The following DPH6 variants were observed in gnomAD, a reference collection of about 807,000 sequenced individuals.
DPH6 encodes diphthine--ammonia ligase.
A neutral mutation model predicts 38.2 loss-of-function variants in DPH6; 33 were observed. The ratio of observed to expected loss-of-function variants is 0.86; its 90% CI spans 0.65 to 1.15. The LOEUF (loss-of-function observed/expected upper bound fraction) is 1.15. Among genes scored for constraint, DPH6 ranks in the 50% most tolerant of loss-of-function variants. DPH6 has a pLI of 0.00. For synonymous variants in DPH6, 108 were observed against 103.0 expected, an observed-to-expected ratio of 1.05 and a Z score of -0.30; for missense variants, 325 against 320.0, an observed-to-expected ratio of 1.02 and a Z score of -0.12.
At chr15:35,248,006 T>C (rs2051647597) in intron 3 of DPH6, among the ~76,000 whole-genome samples, 1 of 152,154 alleles carries the variant, frequency 6.6e-6, no homozygotes, top group Non-Finnish European at 1.5e-5. Context: ...CAATGGTAAA[T>C]AGTGCAAAGG....
intron 5 of DPH6, among the ~76,000 whole-genome samples, chr15:35,438,041 A>C (rs1169772784): frequency 1.3e-5 from 2 of 152,226 alleles, no homozygotes; most frequent in Admixed American, 1.3e-4. Context: ...TGGCATGGTT[A>C]AAGTTGGATA....
At chr15:35,443,928 A>C (rs777806323) in intron 5 of DPH6, among the ~76,000 whole-genome samples, 11 of 152,238 alleles carry the variant, frequency 7.2e-5, no homozygotes, top group Admixed American at 3.3e-4. Context: ...AGACTCAAAC[A>C]AATTGGACAC....
intron 3 of DPH6, among the ~76,000 whole-genome samples, chr15:35,479,193 G>C (rs1487026316): frequency 6.6e-6 from 1 of 151,938 alleles, no homozygotes; most frequent in Non-Finnish European, 1.5e-5. Flanking sequence ...TTTTCAATAA[G>C]TAGACCTGTG....
chr15:35,409,928 TG>T (rs1478395223), intron 6 of DPH6, among the ~76,000 whole-genome samples: 6 of 151,730 alleles, frequency 4.0e-5, no homozygotes, highest in Admixed American at 2.0e-4. Flanking sequence ...ATTAACACTA[TG>T]AAAAAAATAA....
chr15:35,340,570 C>T (rs1216585413), intron 3 of DPH6, among the ~76,000 whole-genome samples: 2 of 152,082 alleles, frequency 1.3e-5, no homozygotes, highest in African/African-American at 2.4e-5. Flanking sequence ...CAAGGCAAAC[C>T]TGGTAGTGAC....
chr15:35,234,327 G>A (rs1175515878), intron 3 of DPH6, among the ~76,000 whole-genome samples: 1 of 152,172 alleles, frequency 6.6e-6, no homozygotes. Context: ...GGGTGATAAG[G>A]TGGTGGTGGT....
At chr15:35,365,850 A>T in intron 3 of DPH6, 1 of 985,286 alleles carries the variant, frequency 1.0e-6, no homozygotes, top group Non-Finnish European at 1.2e-6. Flanking sequence ...ACAGTGACCC[A>T]GCAGTACCTA....
At chr15:35,152,801 A>T in the DPH6 span, among the ~76,000 whole-genome samples, 3 of 152,182 alleles carry the variant, frequency 2.0e-5, no homozygotes, top group Admixed American at 6.5e-5. Context: ...GCCCAGCCAG[A>T]TTACATTGCA....
At chr15:35,224,328 G>C (rs992279889) in intron 3 of DPH6, among the ~76,000 whole-genome samples, 9 of 151,798 alleles carry the variant, frequency 5.9e-5, no homozygotes, top group African/African-American at 2.2e-4. Context: ...GCTAGTCTCA[G>C]ACTCCTGACC....
At chr15:35,454,572 G>A (rs1295948851) in intron 4 of DPH6, among the ~76,000 whole-genome samples, 175 bp downstream of exon 4, 1 of 151,920 alleles carries the variant, frequency 6.6e-6, no homozygotes, top group East Asian at 1.9e-4. Flanking sequence ...GAGATATAAG[G>A]ATAGAAAAAA....
At chr15:35,353,494 A>G (rs1181574134) in intron 3 of DPH6, among the ~76,000 whole-genome samples, 2 of 152,234 alleles carry the variant, frequency 1.3e-5, no homozygotes, top group Non-Finnish European at 1.5e-5. Flanking sequence ...AGCTTTCTAC[A>G]TATGGCTAGC....
At chr15:35,270,512 G>C (rs2051815959) in intron 3 of DPH6, among the ~76,000 whole-genome samples, 1 of 152,182 alleles carries the variant, frequency 6.6e-6, no homozygotes, top group African/African-American at 2.4e-5. Flanking sequence ...GCCTCAAGTA[G>C]TAATCTGATA....
intron 5 of DPH6, among the ~76,000 whole-genome samples, chr15:35,420,877 C>G (rs1310136800): frequency 6.6e-5 from 10 of 152,096 alleles, no homozygotes; most frequent in Admixed American, 6.6e-4. Flanking sequence ...CTAAGAAAAA[C>G]AGGGGCAGGA....
chr15:35,493,250 G>T (rs1566929996), intron 3 of DPH6, among the ~76,000 whole-genome samples: 1 of 152,142 alleles, frequency 6.6e-6, no homozygotes, highest in Non-Finnish European at 1.5e-5. Flanking sequence ...TTAAATGAGT[G>T]TATTGTATGA....
intron 3 of DPH6, among the ~76,000 whole-genome samples, chr15:35,494,133 T>C (rs2054518567): frequency 6.6e-6 from 1 of 152,130 alleles, no homozygotes; most frequent in African/African-American, 2.4e-5. Context: ...AAGGGCTGTG[T>C]TAACACATGT....
At chr15:35,214,302 A>G (rs939694631), downstream of DPH6, among the ~76,000 whole-genome samples, 3 of 152,200 alleles carry the variant, frequency 2.0e-5, no homozygotes, top group African/African-American at 7.2e-5. Flanking sequence ...TCACAATGCC[A>G]CTAGAACTGG....
intron 3 of DPH6, among the ~76,000 whole-genome samples, chr15:35,248,604 T>G (rs981356869): frequency 1.3e-5 from 2 of 152,234 alleles, no homozygotes; most frequent in Non-Finnish European, 2.9e-5. Flanking sequence ...CAGACTGCTT[T>G]CCCTCTATCT....
intron 3 of DPH6, among the ~76,000 whole-genome samples, chr15:35,493,916 C>A (rs2054515409): frequency 6.6e-6 from 1 of 152,024 alleles, no homozygotes; most frequent in African/African-American, 2.4e-5. Context: ...TTCATTTAAT[C>A]TTCTATTTTA....
chr15:35,275,765 C>T (rs576469266), intron 3 of DPH6, among the ~76,000 whole-genome samples: 49 of 151,800 alleles, frequency 3.2e-4, no homozygotes, highest in African/African-American at 1.2e-3. Context: ...CAGGTGACTG[C>T]AAATGTCATT....
Sources: gnomAD v4.1 joint callset for allele counts (sites outside exome capture counted in the v4.1 genomes callset) on GRCh38, gnomAD v4.1.1 for gene constraint, MANE v1.5 for transcripts, NCBI Gene and HGNC (gene_info 2026-07-23, HGNC 2026-07-21) for gene names.